Variants in DUSP6 observed in about 807,000 individuals in gnomAD.
The protein encoded by DUSP6 is dual specificity phosphatase 6.
DUSP6 carries 6 observed loss-of-function variants against 28.0 expected under a neutral mutation model. That is an observed-to-expected ratio of 0.21 (90% confidence interval 0.12 to 0.42). The LOEUF is 0.42. DUSP6 is among the 10% of genes least tolerant of loss of function. The pLI, the probability that DUSP6 is intolerant of heterozygous loss-of-function variation, is 1.00. For synonymous variants in DUSP6, 252 were observed against 217.5 expected (o/e 1.16, Z -1.40); for missense variants, 451 against 498.1 (o/e 0.91, Z 0.90).
At chr12:89,351,519 G>C in intron 1 of DUSP6, 121 bp downstream of exon 1, 5 of 1,415,414 alleles carry the variant, frequency 3.5e-6, no homozygotes, top group Non-Finnish European at 4.6e-6. Context: ...CGGTCCCTAG[G>C]CGGGCAGCGC....
chr12:89,350,733 G>A lies in DUSP6; in HGVS notation c.693C>T (p.Phe231=). 1 of 1,614,084 alleles carries A rather than the reference G, an allele frequency of 6.2e-7. No individual in the cohort carries two copies. The highest frequency in any genetic ancestry group is 8.5e-7 in the Non-Finnish European group (1 of 1,180,034). ...DSTNLDVLEE[F]GIKYILNVTP... ...TGACGTTCAAGATGTACTTGATGCC[G>A]AATTCCTCCAACACGTCCAAGTTGG... The change falls in exon 2 of 3, where the codon TTC becomes TTT. Residue 231 remains phenylalanine (F), a synonymous_variant. Transcript: ENST00000279488.
In DUSP6 at chr12:89,348,952, G is replaced by A. The variant is rs1330765093; in HGVS notation, c.*302C>T. The stretch of plus-strand genomic sequence containing the variant: ...ACACATGCTCCTACCCTATCATTTG[G>A]TTCTACCCTATGCGCCTGGAAGTCC... On this transcript the variant is annotated 3_prime_UTR_variant, in exon 3 of 3. Transcript: ENST00000279488. 4 of 312,454 alleles carry A rather than the reference G, an allele frequency of 1.3e-5. No homozygotes were observed. Among genetic ancestry groups the A allele is most frequent in the African/African-American group, 8.3e-5 (4 of 48,352 alleles). 19.4% of individuals were successfully genotyped at this position (312,454 alleles called of 1,614,324 possible). A position where few individuals can be genotyped will look rare whatever the true frequency, so the allele number is the denominator to read the frequency against.
In DUSP6 at chr12:89,352,371, T is replaced by C; in HGVS notation, c.-332A>G. 1 of 334,410 alleles carries C rather than the reference T, an allele frequency of 3.0e-6. No homozygotes were observed. The highest frequency in any genetic ancestry group is 5.6e-6 in the Non-Finnish European group (1 of 178,588). 20.7% of individuals were successfully genotyped at this position (334,410 alleles called of 1,614,324 possible). A position where few individuals can be genotyped will look rare whatever the true frequency, so the allele number is the denominator to read the frequency against. On this transcript the variant is annotated 5_prime_UTR_variant, in exon 1 of 3. Transcript: ENST00000279488. ...GGAGGAAAAAAAGTCTAGCGGCTTCTAATCCCTCCCTCCAAGGCTGCACCT... is the reference window on the plus strand; with the variant it reads ...GGAGGAAAAAAAGTCTAGCGGCTTCCAATCCCTCCCTCCAAGGCTGCACCT...
chr12:89,349,820 T>G (rs1879119995), intron 2 of DUSP6, among the ~76,000 whole-genome samples: 1 of 152,228 alleles, frequency 6.6e-6, no homozygotes, highest in Admixed American at 6.5e-5. Flanking sequence ...GTGCATTCTT[T>G]GCCTCGGCAT....
At position 89,348,346 on chromosome 12, in the gene DUSP6, GTTTT is replaced by G. The variant is rs559648631; in HGVS notation, c.*904_*907del. 6.6e-6 allele frequency: 1 copy of G among 152,538 alleles called. No individual in the cohort carries two copies. The highest frequency in any genetic ancestry group is 1.5e-5 in the Non-Finnish European group (1 of 68,026). 9.4% of individuals were successfully genotyped at this position (152,538 alleles called of 1,614,324 possible). On this transcript the variant is annotated 3_prime_UTR_variant, in exon 3 of 3. Coordinates refer to ENST00000279488, the MANE Select transcript of DUSP6 (RefSeq NM_001946.4). ...AATATACTGTTTAGCACAGCTGAAGGTTTTTTTATTCTTTCTTTTTTTAAAGTGA... is the reference window on the plus strand; with the variant it reads ...AATATACTGTTTAGCACAGCTGAAGGTTTATTCTTTCTTTTTTTAAAGTGA...
chr12:89,350,548 G>T, intron 2 of DUSP6, 40 bp downstream of exon 2: 1 of 1,567,026 alleles, frequency 6.4e-7, no homozygotes. Context: ...TAGGAATTTT[G>T]CATTTAAATG....
chr12:89,352,250 T>G lies in DUSP6; in HGVS notation c.-211A>C. The G allele has an allele frequency of 1.5e-6, 1 of 654,602 alleles. No homozygotes were observed. The highest frequency in any genetic ancestry group is 2.0e-5 in the South Asian group (1 of 50,162). The allele number at this position is 654,602 out of a possible 1,614,324, so 40.5% of individuals were successfully genotyped here. ...CCCAGCTGCAGCCGCTGGCTCTTAG[T>G]GTCAATGAATCTCTCTCAATGAAGC... On this transcript the variant is annotated 5_prime_UTR_variant, in exon 1 of 3. Transcript: ENST00000279488.
At chr12:89,351,169 T>G (rs1380117815) in intron 1 of DUSP6, 144 bp from the exon 2 acceptor site, 7 of 905,558 alleles carry the variant, frequency 7.7e-6, no homozygotes, top group Non-Finnish European at 1.1e-5. Flanking sequence ...AGAAACACAC[T>G]TTAAATGTGC....
Position 89,348,954 on chromosome 12 carries a change from T to C in DUSP6, c.*300A>G, listed in dbSNP as rs704074. 0.23 allele frequency: 72,334 copies of C among 314,128 alleles called. 10,775 individuals carry two copies. Among genetic ancestry groups the C allele is most frequent in the African/African-American group, 0.49 (23,613 of 48,368 alleles). 19.5% of individuals were successfully genotyped at this position (314,128 alleles called of 1,614,324 possible). A position where few individuals can be genotyped will look rare whatever the true frequency, so the allele number is the denominator to read the frequency against. On this transcript the variant is annotated 3_prime_UTR_variant, in exon 3 of 3. Transcript: ENST00000279488. ...ACATGCTCCTACCCTATCATTTGGT[T>C]CTACCCTATGCGCCTGGAAGTCCTC...
At position 89,350,964 on chromosome 12, in the gene DUSP6, C is replaced by A; in HGVS notation, c.462G>T (p.Ser154=). Residue 154 remains serine, a synonymous_variant, in exon 2 of 3, where the codon TCG becomes TCT. Transcript: ENST00000279488. ...SLHCETNLDG[S]CSSSSPPLPV... ...GCAACGGCGGCGAGCTGCTGCTACACGAGCCGTCTAGATTGGTCTCGCAAT... is the reference window on the plus strand; with the variant it reads ...GCAACGGCGGCGAGCTGCTGCTACAAGAGCCGTCTAGATTGGTCTCGCAAT... 1 of 1,612,718 alleles carries A rather than the reference C, an allele frequency of 6.2e-7. No individual in the cohort carries two copies. The highest frequency in any genetic ancestry group is 8.5e-7 in the Non-Finnish European group (1 of 1,179,636).
At chr12:89,351,335 T>A (rs1879179713) in intron 1 of DUSP6, 1 of 577,632 alleles carries the variant, frequency 1.7e-6, no homozygotes, top group Non-Finnish European at 3.0e-6. Context: ...CAAATCTTAA[T>A]TCAAAATCGA....
chr12:89,350,649 G>A lies in DUSP6; in HGVS notation c.777C>T (p.Pro259=), dbSNP rs1330121964. 1 of 1,614,152 alleles carries A rather than the reference G, an allele frequency of 6.2e-7. No homozygotes were observed. Among genetic ancestry groups the A allele is most frequent in the Non-Finnish European group, 8.5e-7 (1 of 1,180,020 alleles). The part of the protein sequence containing the change: ...NAGEFKYKQI[P]ISDHWSQNLS... Reference sequence around the variant, plus strand: ...GGTTTTGGCTCCAGTGATCCGAGATGGGGATTTGCTTGTATTTAAACTCTC... The same window carrying A: ...GGTTTTGGCTCCAGTGATCCGAGATAGGGATTTGCTTGTATTTAAACTCTC... The change falls in exon 2 of 3, where the codon CCC becomes CCT. Residue 259 remains proline (P), a synonymous_variant. Transcript: ENST00000279488.
rs1217713841 is a variant in DUSP6, at chr12:89,349,195, T to C, written c.*59A>G. Reference sequence around the variant, plus strand: ...ACAAAGAAAGCAGCCCAGCTGATGCTGCCAAGAGAAACTGCTGAAGGGCCA... The same window carrying C: ...ACAAAGAAAGCAGCCCAGCTGATGCCGCCAAGAGAAACTGCTGAAGGGCCA... On this transcript the variant is annotated 3_prime_UTR_variant, in exon 3 of 3. Transcript: ENST00000279488. 22 of 1,536,702 alleles carry C rather than the reference T, an allele frequency of 1.4e-5. No individual in the cohort carries two copies. The East Asian group carries it at 4.1e-4, about 28-fold the overall frequency.
chr12:89,351,382 G>A, intron 1 of DUSP6: 1 of 608,982 alleles, frequency 1.6e-6, no homozygotes, highest in Non-Finnish European at 2.8e-6. Context: ...GGATGTTCTG[G>A]CTAAGAAGGC....
Position 89,350,581 on chromosome 12 carries a change from G to C in DUSP6, c.838+7C>G. 1 of 1,610,840 alleles carries C rather than the reference G, an allele frequency of 6.2e-7. No homozygotes were observed. Among genetic ancestry groups the C allele is most frequent in the Admixed American group, 1.7e-5 (1 of 59,934 alleles). ...ATGTCAGAGCGACGACTATTAATTA[G>C]TCTCACCTATGAAAGAAATGGCCTC... On this transcript the variant is annotated splice_region_variant and intron_variant, in intron 2 of 2. Coordinates refer to ENST00000279488, the MANE Select transcript of DUSP6 (RefSeq NM_001946.4).
intron 1 of DUSP6, 176 bp from the exon 2 acceptor site, chr12:89,351,201 G>A (rs371389159): frequency 3.5e-5 from 27 of 765,922 alleles, no homozygotes; most frequent in Middle Eastern, 3.9e-4. Flanking sequence ...TGGAACGAAC[G>A]GGCCCGCCTC....
rs808820 is a variant in DUSP6 at position 89,351,049 on chromosome 12, A to G, written c.401-24T>C. ...ACCTGCCAGAACGAGAAAAGCAATC[A>G]TCTAACCTGAGAAGCCGTAGTAGTT... On this transcript the variant is annotated intron_variant, in intron 1 of 2. Coordinates refer to ENST00000279488, the MANE Select transcript of DUSP6 (RefSeq NM_001946.4). The G allele has an allele frequency of 0.11, 177,311 of 1,550,784 alleles. 10,712 individuals are homozygous for G. The highest frequency in any genetic ancestry group is 0.18 in the Admixed American group (9,435 of 51,912).
chr12:89,350,706 G>T lies in DUSP6; in HGVS notation c.720C>A (p.Thr240=). Residue 240 remains threonine, a synonymous_variant, in exon 2 of 3, where the codon ACC becomes ACA. Coordinates refer to ENST00000279488, the MANE Select transcript of DUSP6 (RefSeq NM_001946.4). ...TCTCAAAGAGATTCGGCAAATTGGG[G>T]GTGACGTTCAAGATGTACTTGATGC... ...EFGIKYILNV[T]PNLPNLFENA... The T allele has an allele frequency of 6.2e-7, 1 of 1,614,128 alleles. No individual in the cohort carries two copies. The highest frequency in any genetic ancestry group is 8.5e-7 in the Non-Finnish European group (1 of 1,180,034).
Position 89,352,141 on chromosome 12 carries a change from G to A in DUSP6, c.-102C>T, listed in dbSNP as rs1879225271. The stretch of plus-strand genomic sequence containing the variant: ...GCGAAGCTGCCGCTCTCGGAGCGGG[G>A]TTTAATTCCGCCTCGCCTTACCCAA... On this transcript the variant is annotated 5_prime_UTR_variant, in exon 1 of 3. Transcript: ENST00000279488. 9 of 1,501,522 alleles carry A rather than the reference G, an allele frequency of 6.0e-6. No homozygotes were observed. The highest frequency in any genetic ancestry group is 4.6e-5 in the East Asian group (2 of 43,890). The allele number at this position is 1,501,522 out of a possible 1,614,324, so 93.0% of individuals were successfully genotyped here.
Sources: gnomAD v4.1 joint callset for allele counts (sites outside exome capture counted in the v4.1 genomes callset) on GRCh38, gnomAD v4.1.1 for gene constraint, MANE v1.5 for transcripts, NCBI Gene and HGNC (gene_info 2026-07-23, HGNC 2026-07-21) for gene names.